The following ZNF436 variants were observed in gnomAD, a reference collection of about 807,000 sequenced individuals.
ZNF436 encodes zinc finger protein 436, also known as DNA-binding protein.
ZNF436 carries 22 observed loss-of-function variants against 41.9 expected under a neutral mutation model. The ratio of observed to expected loss-of-function variants is 0.53; its 90% CI spans 0.38 to 0.75. The LOEUF (loss-of-function observed/expected upper bound fraction) is 0.75, where lower values mean the gene tolerates loss of function less well. Among genes scored for constraint, ZNF436 ranks in the 30% least tolerant of loss-of-function variants. ZNF436 has a pLI of 0.00. For missense variants in ZNF436, 506 were observed against 587.3 expected, an observed-to-expected ratio of 0.86 and a Z score of 1.43; for synonymous variants, 217 against 197.8, an observed-to-expected ratio of 1.10 and a Z score of -0.82.
At chr1:23,363,295 T>TC in intron 3 of ZNF436, 74 bp from the exon 4 acceptor site, 1 of 951,158 alleles carries the variant, frequency 1.1e-6, no homozygotes, top group East Asian at 4.1e-5. Context: ...TATACTAAAT[T>TC]TTTTTTTTTT....
intron 3 of ZNF436, among the ~76,000 whole-genome samples, chr1:23,364,580 A>G (rs1306673739): frequency 6.6e-6 from 1 of 152,212 alleles, no homozygotes; most frequent in African/African-American, 2.4e-5. Context: ...ATCTTTACCT[A>G]TGTCATAGTT....
At position 23,369,501 on chromosome 1, in the gene ZNF436, C is replaced by G. The variant is rs1261724559; in HGVS notation, c.-196G>C. ...GAGAGCACGGGCAGGTCCCGGAGGTCTCAGACCCGCAGGTAGATCTCGAAT... is the reference window on the plus strand; with the variant it reads ...GAGAGCACGGGCAGGTCCCGGAGGTGTCAGACCCGCAGGTAGATCTCGAAT... On this transcript the variant is annotated 5_prime_UTR_variant, in exon 1 of 4. Coordinates refer to ENST00000314011, the MANE Select transcript of ZNF436 (RefSeq NM_001077195.2). 1.9e-6 allele frequency: 1 copy of G among 531,774 alleles called. No homozygotes were observed. The highest frequency in any genetic ancestry group is 1.9e-5 in the Admixed American group (1 of 51,540). 32.9% of individuals were successfully genotyped at this position (531,774 alleles called of 1,614,324 possible).
chr1:23,367,206 AGGACTTC>A, intron 2 of ZNF436, 38 bp from the exon 3 acceptor site: 1 of 1,546,888 alleles, frequency 6.5e-7, no homozygotes. Flanking sequence ...TTCTGTATTT[AGGACTTC>A]TTGAAATTAG....
intron 2 of ZNF436, among the ~76,000 whole-genome samples, chr1:23,367,622 T>C (rs957427659): frequency 2.6e-5 from 4 of 152,172 alleles, no homozygotes; most frequent in Non-Finnish European, 5.9e-5. Flanking sequence ...TGGGAGTGAT[T>C]CCCACACTAC....
chr1:23,363,126 C>G lies in ZNF436; in HGVS notation c.256G>C (p.Ala86Pro). 2 of 1,614,210 alleles carry G rather than the reference C, an allele frequency of 1.2e-6. No individual in the cohort carries two copies. Among genetic ancestry groups the G allele is most frequent in the East Asian group, 4.5e-5 (2 of 44,890 alleles). ...TCTTCACTTTCAGGATTTTCCTCAG[C>G]ATTCTCAGCAGGTCTTTCAGATGTA... ...GTTSERPAEN[A>P]EENPESEEGF... Residue 86 changes from alanine (A) to proline (P), a missense_variant, in exon 4 of 4, where the codon GCT becomes CCT. Around this residue, in one of 2 missense-constraint regions of ZNF436, gnomAD observed 228 missense variants for 215.1 expected, o/e 1.06. Coordinates refer to ENST00000314011, the MANE Select transcript of ZNF436 (RefSeq NM_001077195.2).
rs760943842 is a variant in ZNF436 at position 23,362,976 on chromosome 1, G to A, written c.406C>T (p.Arg136Cys). Residue 136 changes from arginine to cysteine, a missense_variant, in exon 4 of 4, where the codon CGC becomes TGC. Coordinates refer to ENST00000314011, the MANE Select transcript of ZNF436 (RefSeq NM_001077195.2). Reference sequence around the variant, plus strand: ...CCACAATGAGAACATATATGATAGCGGATGCCTGTGTGGACTTCTTTGTGG... The same window carrying A: ...CCACAATGAGAACATATATGATAGCAGATGCCTGTGTGGACTTCTTTGTGG... ...LVHKEVHTGI[R>C]YHICSHCGKA... The A allele has an allele frequency of 1.7e-5, 27 of 1,614,022 alleles. No individual in the cohort carries two copies. The highest frequency in any genetic ancestry group is 1.0e-4 in the Admixed American group (6 of 60,004).
At chr1:23,368,305 G>A (rs1032097487) in intron 1 of ZNF436, 2 of 405,038 alleles carry the variant, frequency 4.9e-6, no homozygotes, top group Non-Finnish European at 9.0e-6. Context: ...GGGTTAGACC[G>A]CTGCTGTCTC....
At chr1:23,363,620 T>C (rs1385287997) in intron 3 of ZNF436, among the ~76,000 whole-genome samples, 1 of 152,186 alleles carries the variant, frequency 6.6e-6, no homozygotes, top group Non-Finnish European at 1.5e-5. Flanking sequence ...ACTTCATTAA[T>C]GAGAAATCCA....
Position 23,368,083 on chromosome 1 carries a change from C to G in ZNF436, c.-60-18G>C. 1.3e-6 allele frequency: 2 copies of G among 1,560,182 alleles called. No individual in the cohort carries two copies. The highest frequency in any genetic ancestry group is 1.8e-6 in the Non-Finnish European group (2 of 1,135,828). On this transcript the variant is annotated intron_variant, in intron 1 of 3. Coordinates refer to ENST00000314011, the MANE Select transcript of ZNF436 (RefSeq NM_001077195.2). ...AGACAGCGCTGAAGGAGGCGAAAAG[C>G]AGGGCGTGAGGCACGGAAAACAGGC...
At chr1:23,367,011 G>A (rs781034974) in intron 3 of ZNF436, 31 bp downstream of exon 3, 9 of 1,595,152 alleles carry the variant, frequency 5.6e-6, no homozygotes, top group East Asian at 4.5e-5. Context: ...TCAAAAACGT[G>A]GAGGCAAAGA....
rs1646981000 is a variant in ZNF436, at chr1:23,359,680, T to G, written c.*2289A>C. The G allele has an allele frequency of 6.6e-6, 1 of 152,554 alleles. No individual in the cohort carries two copies. The highest frequency in any genetic ancestry group is 2.1e-4 in the South Asian group (1 of 4,828). 9.5% of individuals were successfully genotyped at this position (152,554 alleles called of 1,614,324 possible). On this transcript the variant is annotated 3_prime_UTR_variant, in exon 4 of 4. Coordinates refer to ENST00000314011, the MANE Select transcript of ZNF436 (RefSeq NM_001077195.2). ...AGTGAAGGGAGTCTGATGCATGAGT[T>G]CTATACAAAGTTCAACACAGCAAAC...
intron 3 of ZNF436, 123 bp downstream of exon 3, chr1:23,366,919 G>T: frequency 1.7e-6 from 2 of 1,171,762 alleles, no homozygotes; most frequent in Non-Finnish European, 1.2e-6. Context: ...GAGGACTCAA[G>T]TCAAGCCAAT....
chr1:23,364,846 T>A (rs1638323830), intron 3 of ZNF436, among the ~76,000 whole-genome samples: 1 of 152,224 alleles, frequency 6.6e-6, no homozygotes, highest in Admixed American at 6.5e-5. Context: ...GTATGTATTT[T>A]GGGAGAAAAG....
At position 23,362,891 on chromosome 1, in the gene ZNF436, C is replaced by G; in HGVS notation, c.491G>C (p.Arg164Thr). Residue 164 changes from arginine (R) to threonine (T), a missense_variant, in exon 4 of 4, where the codon AGA becomes ACA. By Grantham distance (71) the Arg-to-Thr change is moderately conservative (BLOSUM62 -1). This residue lies in a region of ZNF436 where 228 missense variants were observed against 215.1 expected (regional missense o/e 1.06). Coordinates refer to ENST00000314011, the MANE Select transcript of ZNF436 (RefSeq NM_001077195.2). The part of the protein sequence containing the change: ...NRHQKTHTGD[R>T]PYKCYECGKG... Reference sequence around the variant, plus strand: ...TCCACATTCATAACATTTATAGGGTCTGTCTCCAGTGTGGGTCTTCTGATG... The same window carrying G: ...TCCACATTCATAACATTTATAGGGTGTGTCTCCAGTGTGGGTCTTCTGATG... 6.2e-7 allele frequency: 1 copy of G among 1,614,176 alleles called. No homozygotes were observed. Among genetic ancestry groups the G allele is most frequent in the Middle Eastern group, 1.6e-4 (1 of 6,062 alleles).
rs1007956681 is a variant in ZNF436, at chr1:23,361,067, GA to G, written c.*901del. On this transcript the variant is annotated 3_prime_UTR_variant, in exon 4 of 4. Coordinates refer to ENST00000314011, the MANE Select transcript of ZNF436 (RefSeq NM_001077195.2). The stretch of plus-strand genomic sequence containing the variant: ...TAAAGATTAGAAGGGAAAGAACACA[GA>G]AACGACCTACATTCCTTGGGAAGGG... The G allele has an allele frequency of 1.4e-4, 22 of 152,388 alleles. No homozygotes were observed. Among genetic ancestry groups the G allele is most frequent in the African/African-American group, 5.1e-4 (21 of 41,452 alleles). The allele number at this position is 152,388 out of a possible 1,614,324, so 9.4% of individuals were successfully genotyped here.
In ZNF436 at chr1:23,369,459, C is replaced by G. The variant is rs1488663482; in HGVS notation, c.-154G>C. On this transcript the variant is annotated 5_prime_UTR_variant, in exon 1 of 4. Coordinates refer to ENST00000314011, the MANE Select transcript of ZNF436 (RefSeq NM_001077195.2). ...AGCCGCAGCGTTCTCTCAGACCTGG[C>G]GTTCAGGAAGATTCTAGAGAGCACG... 1 of 533,786 alleles carries G rather than the reference C, an allele frequency of 1.9e-6. No individual in the cohort carries two copies. Among genetic ancestry groups the G allele is most frequent in the African/African-American group, 1.9e-5 (1 of 51,950 alleles). The allele number at this position is 533,786 out of a possible 1,614,324, so 33.1% of individuals were successfully genotyped here.
In ZNF436 at chr1:23,361,685, A is replaced by C. The variant is rs646193; in HGVS notation, c.*284T>G. On this transcript the variant is annotated 3_prime_UTR_variant, in exon 4 of 4. Transcript: ENST00000314011. The stretch of plus-strand genomic sequence containing the variant: ...AAGATTTACTCCATTTCCAGGCCTA[A>C]GCATTCACCAGCATTTGTCCCCTGG... 1 of 307,006 alleles carries C rather than the reference A, an allele frequency of 3.3e-6. No individual in the cohort carries two copies. The allele number at this position is 307,006 out of a possible 1,614,324, so 19.0% of individuals were successfully genotyped here.
chr1:23,367,108 C>G lies in ZNF436; in HGVS notation c.94G>C (p.Asp32His). 12 of 1,613,638 alleles carry G rather than the reference C, an allele frequency of 7.4e-6. No homozygotes were observed. The highest frequency in any genetic ancestry group is 9.3e-6 in the Non-Finnish European group (11 of 1,179,670). The change falls in exon 3 of 4, where the codon GAC becomes CAC. Residue 32 changes from aspartate to histidine, a missense_variant. By Grantham distance (81) the Asp-to-His change is moderately conservative. Around this residue, in one of 2 missense-constraint regions of ZNF436, gnomAD observed 228 missense variants for 215.1 expected, o/e 1.06. Transcript: ENST00000314011. ...YLTREEWRPL[D>H]AAQRDLYRDV... Reference sequence around the variant, plus strand: ...CGGTAAAGGTCCCTCTGTGCAGCGTCCAGAGGTCTCCATTCTTCCCGGGTG... The same window carrying G: ...CGGTAAAGGTCCCTCTGTGCAGCGTGCAGAGGTCTCCATTCTTCCCGGGTG...
intron 3 of ZNF436, among the ~76,000 whole-genome samples, chr1:23,366,197 G>C (rs148509608): frequency 2.9e-4 from 44 of 152,284 alleles, no homozygotes; most frequent in African/African-American, 8.2e-4. Flanking sequence ...GGACATCAGA[G>C]AAAGCTCAAG....
Sources: allele counts gnomAD v4.1 joint callset (sites outside exome capture counted in the v4.1 genomes callset), GRCh38; gene constraint gnomAD v4.1.1; regional missense constraint gnomAD v4.1.1; transcripts MANE v1.5; gene names NCBI Gene and HGNC (gene_info 2026-07-23, HGNC 2026-07-21).